FAM149A: variants seen among roughly 807,000 people sequenced by gnomAD.
The protein encoded by FAM149A is family with sequence similarity 149 member A.
In FAM149A, 71 loss-of-function variants were observed where a neutral mutation model predicts 78.2. The observed-to-expected ratio is 0.91, with a 90% confidence interval of 0.75 to 1.11. The LOEUF is 1.11. Ranked by LOEUF, FAM149A falls within the 50% of genes least tolerant of loss-of-function variation. FAM149A has a pLI of 0.00. For synonymous variants in FAM149A, 446 were observed against 410.5 expected (o/e 1.09, Z -1.04); for missense variants, 1,036 against 971.0 (o/e 1.07, Z -0.89).
chr4:186,132,134 A>G (rs1191134811), intron 1 of FAM149A: 32 of 985,340 alleles, frequency 3.2e-5, no homozygotes, highest in South Asian at 4.7e-5. Flanking sequence ...TCATTTGACA[A>G]ATTACCTTGG....
chr4:186,149,834 TAAAAGC>T, intron 3 of FAM149A, 130 bp downstream of exon 3: 25 of 489,660 alleles, frequency 5.1e-5, no homozygotes, highest in Non-Finnish European at 6.5e-5. Flanking sequence ...TACATACATG[TAAAAGC>T]ATGTACATGT....
At position 186,104,883 on chromosome 4, in the gene FAM149A, C is replaced by T. The variant is rs2099308151; in HGVS notation, c.-194C>T. 23 of 862,972 alleles carry T rather than the reference C, an allele frequency of 2.7e-5. No homozygotes were observed. The highest frequency in any genetic ancestry group is 5.3e-5 in the South Asian group (1 of 18,948). The allele number at this position is 862,972 out of a possible 1,614,324, so 53.5% of individuals were successfully genotyped here. A position where few individuals can be genotyped will look rare whatever the true frequency, so the allele number is the denominator to read the frequency against. ...CTCCGCAGCCGGGGCGCTCGGCGGACGGACCCGGGCCGGGGAAGGGCGACC... is the reference window on the plus strand; with the variant it reads ...CTCCGCAGCCGGGGCGCTCGGCGGATGGACCCGGGCCGGGGAAGGGCGACC... On this transcript the variant is annotated 5_prime_UTR_variant, in exon 1 of 14. In the 5' UTR this introduces an upstream ATG that the reference lacks. Coordinates refer to ENST00000389354, the MANE Select transcript of FAM149A (RefSeq NM_001367768.3).
At position 186,138,218 on chromosome 4, in the gene FAM149A, G is replaced by C. The variant is rs75016465; in HGVS notation, c.567-10955G>C. ...CTATTCAGGGTTTTTCAGAGAAGCA[G>C]ATCAGACAGGATGAGTTAGTGAGTG... is the stretch of plus-strand genomic sequence containing the variant. On this transcript the variant is annotated intron_variant, in intron 1 of 13. Coordinates refer to ENST00000389354, the MANE Select transcript of FAM149A (RefSeq NM_001367768.3). 2.0e-3 allele frequency among the ~76,000 whole-genome samples: 305 copies of C among 151,470 alleles called. 1 individual carries two copies. The highest frequency in any genetic ancestry group is 6.9e-3 in the African/African-American group (285 of 41,090).
rs1477845523 is a variant in FAM149A, at chr4:186,144,743, G to A, written c.567-4430G>A. 1.6e-5 allele frequency: 14 copies of A among 888,726 alleles called. No individual in the cohort carries two copies. In the African/African-American group the frequency reaches 2.2e-4, roughly 14 times the overall value. 55.1% of individuals were successfully genotyped at this position (888,726 alleles called of 1,614,324 possible). A position where few individuals can be genotyped will look rare whatever the true frequency, so the allele number is the denominator to read the frequency against. On this transcript the variant is annotated intron_variant, in intron 1 of 13. Coordinates refer to ENST00000389354, the MANE Select transcript of FAM149A (RefSeq NM_001367768.3). This position sits in a 1 kb window ranked among gnomAD's most constrained non-coding sequence, Gnocchi z 4.2. ...CGGCGCGGGGCCGGGGCCGGGGCCGGGGCCCGGAGCGGGGATGGGCGGGCG... is the reference window on the plus strand; with the variant it reads ...CGGCGCGGGGCCGGGGCCGGGGCCGAGGCCCGGAGCGGGGATGGGCGGGCG...
Position 186,105,972 on chromosome 4 carries a change from CCTTT to C in FAM149A, c.566+335_566+338del, listed in dbSNP as rs762133336. 2.4e-4 allele frequency among the ~76,000 whole-genome samples: 36 copies of C among 152,212 alleles called. 1 individual carries two copies. Among genetic ancestry groups the C allele is most frequent in the Admixed American group, 2.0e-4 (3 of 15,278 alleles). ...GTTTTCTTAAGGACTTTTTGAAGTC[CCTTT>C]CTTTGTCTCAGAATATAGCAGGTGT... On this transcript the variant is annotated intron_variant, in intron 1 of 13. Transcript: ENST00000389354.
chr4:186,160,757 C>G, intron 8 of FAM149A: 4 of 963,834 alleles, frequency 4.2e-6, no homozygotes, highest in Non-Finnish European at 4.9e-6. Context: ...CACCACACCA[C>G]ACACACACCA....
At chr4:186,157,455 A>C in intron 7 of FAM149A, 110 bp from the exon 8 acceptor site, 1 of 1,119,112 alleles carries the variant, frequency 8.9e-7, no homozygotes, top group Non-Finnish European at 1.3e-6. Flanking sequence ...TGGCCGTAGC[A>C]TGGGCTCGTG....
Position 186,144,251 on chromosome 4 carries a change from C to T in FAM149A, c.567-4922C>T, listed in dbSNP as rs1159678825. On this transcript the variant is annotated intron_variant, in intron 1 of 13. Transcript: ENST00000389354. This position sits in a 1 kb window ranked among gnomAD's most constrained non-coding sequence, Gnocchi z 4.2. ...CTGCTCCTGGTATAATCCTGGGCCT[C>T]CAAAACTGAAACGAGCACATGGTAA... 2.0e-5 allele frequency: 3 copies of T among 152,212 alleles called. No individual in the cohort carries two copies. The highest frequency in any genetic ancestry group is 6.5e-5 in the Admixed American group (1 of 15,280). The allele number at this position is 152,212 out of a possible 1,614,324, so 9.4% of individuals were successfully genotyped here.
At position 186,158,472 on chromosome 4, in the gene FAM149A, G is replaced by A. The variant is rs190517671; in HGVS notation, c.1575+753G>A. ...CCCAGGAACACCCATGGGAGTCCAC[G>A]CCTGACCTCTGCTTCTGCAGAGACC... is the stretch of plus-strand genomic sequence containing the variant. On this transcript the variant is annotated intron_variant, in intron 8 of 13. Coordinates refer to ENST00000389354, the MANE Select transcript of FAM149A (RefSeq NM_001367768.3). 1.3e-5 allele frequency: 15 copies of A among 1,112,884 alleles called. No homozygotes were observed. The East Asian group carries it at 7.2e-4, about 53-fold the overall frequency. 68.9% of individuals were successfully genotyped at this position (1,112,884 alleles called of 1,614,324 possible).
chr4:186,105,107 C>G lies in FAM149A; in HGVS notation c.31C>G (p.Leu11Val). ...GGCTGCTGTGCTGGACCTTGGGTCT[C>G]TCTTGGCCAAACTCTTCGAGACCTC... The change falls in exon 1 of 14, where the codon CTC becomes GTC. Residue 11 changes from leucine (L) to valine (V), a missense_variant. Leu to Val is a conservative substitution (Grantham distance 32). This residue lies in a region of FAM149A where 316 missense variants were observed against 241.9 expected (regional missense o/e 1.31). Coordinates refer to ENST00000389354, the MANE Select transcript of FAM149A (RefSeq NM_001367768.3). 2 of 1,281,688 alleles carry G rather than the reference C, an allele frequency of 1.6e-6. No individual in the cohort carries two copies. Among genetic ancestry groups the G allele is most frequent in the Non-Finnish European group, 1.0e-6 (1 of 985,468 alleles). The allele number at this position is 1,281,688 out of a possible 1,614,324, so 79.4% of individuals were successfully genotyped here. A position where few individuals can be genotyped will look rare whatever the true frequency, so the allele number is the denominator to read the frequency against.
intron 1 of FAM149A, chr4:186,133,239 A>G (rs577283823): frequency 1.0e-6 from 1 of 969,342 alleles, no homozygotes; most frequent in Admixed American, 6.1e-5. Flanking sequence ...TTTTAAGTGT[A>G]CCATTTAGTG....
At chr4:186,140,133 A>G (rs1463021884) in intron 1 of FAM149A, among the ~76,000 whole-genome samples, 1 of 152,232 alleles carries the variant, frequency 6.6e-6, no homozygotes, top group Non-Finnish European at 1.5e-5. Context: ...ATTTCTGCTC[A>G]CAGCATTAAG....
chr4:186,137,729 C>T (rs2099324083), intron 1 of FAM149A, among the ~76,000 whole-genome samples: 1 of 151,890 alleles, frequency 6.6e-6, no homozygotes, highest in Admixed American at 6.6e-5. Flanking sequence ...ACAGGCTATT[C>T]CTAGAACATG....
intron 1 of FAM149A, among the ~76,000 whole-genome samples, chr4:186,143,149 CTTTTT>C (rs141403092): frequency 3.5e-5 from 3 of 85,022 alleles, no homozygotes; most frequent in African/African-American, 1.1e-4. Flanking sequence ...TCGATTTTTA[CTTTTT>C]TTTTTTTTTT....
At chr4:186,121,065 A>G (rs1057145538) in intron 1 of FAM149A, among the ~76,000 whole-genome samples, 2 of 151,960 alleles carry the variant, frequency 1.3e-5, no homozygotes, top group South Asian at 4.1e-4. Flanking sequence ...GGCATGACTT[A>G]TTAAAAATAA....
rs1579805122 is a variant in FAM149A at position 186,125,372 on chromosome 4, C to T, written c.566+19730C>T. ...ACACCCACATCCCCTGCGGAGGTCT[C>T]TTGATGATAGCCACTGCTGAGGGAA... On this transcript the variant is annotated intron_variant, in intron 1 of 13. Transcript: ENST00000389354. 4.1e-6 allele frequency: 4 copies of T among 975,438 alleles called. No homozygotes were observed. The East Asian group carries it at 3.4e-4, about 83-fold the overall frequency. The allele number at this position is 975,438 out of a possible 1,614,324, so 60.4% of individuals were successfully genotyped here. A position where few individuals can be genotyped will look rare whatever the true frequency, so the allele number is the denominator to read the frequency against.
In FAM149A at chr4:186,152,062, G is replaced by A; in HGVS notation, c.932+17G>A. 1 of 1,612,856 alleles carries A rather than the reference G, an allele frequency of 6.2e-7. No individual in the cohort carries two copies. The highest frequency in any genetic ancestry group is 8.5e-7 in the Non-Finnish European group (1 of 1,179,842). ...CCATTTGAGGTGGGACCTTGGTGGT[G>A]GAAGTTCTCTGGGGTGGGTTTTCCA... On this transcript the variant is annotated intron_variant, in intron 4 of 13. Coordinates refer to ENST00000389354, the MANE Select transcript of FAM149A (RefSeq NM_001367768.3).
intron 13 of FAM149A, among the ~76,000 whole-genome samples, chr4:186,168,678 T>A (rs1365735211): frequency 6.6e-6 from 1 of 152,144 alleles, no homozygotes; most frequent in Non-Finnish European, 1.5e-5. Context: ...GTAACACGAT[T>A]GTAGGTGCTT....
intron 1 of FAM149A, among the ~76,000 whole-genome samples, chr4:186,132,662 G>C (rs932660962): frequency 1.2e-4 from 18 of 152,202 alleles, no homozygotes; most frequent in African/African-American, 4.3e-4. Context: ...CAAGACAAAA[G>C]GAGCAGGGAG....
Sources: gnomAD v4.1 joint callset for allele counts (sites outside exome capture counted in the v4.1 genomes callset) on GRCh38, gnomAD v4.1.1 for gene constraint, gnomAD v4.1.1 regional missense constraint, Gnocchi (gnomAD v3.1) non-coding constraint, MANE v1.5 for transcripts, NCBI Gene and HGNC (gene_info 2026-07-23, HGNC 2026-07-21) for gene names.